Variants in PACRGL observed in about 807,000 individuals in gnomAD.
PACRGL encodes the protein parkin coregulated like.
In PACRGL, 38 loss-of-function variants were observed where a neutral mutation model predicts 34.5. That is an observed-to-expected ratio of 1.10 (90% confidence interval 0.85 to 1.44). The LOEUF (loss-of-function observed/expected upper bound fraction) is 1.44, where lower values mean the gene tolerates loss of function less well. PACRGL is among the 40% of genes most tolerant of loss of function. PACRGL has a pLI of 0.00. For missense variants in PACRGL, 305 were observed against 281.4 expected (o/e 1.08, Z -0.60); for synonymous variants, 128 against 100.1 (o/e 1.28, Z -1.66).
Position 20,713,424 on chromosome 4 carries a change from C to T in PACRGL, c.502-8C>T. ...GTCCATACATCCCCCAACTAACCAA[C>T]CTTACAGGTCCATTCGGATGATGAA... On this transcript the variant is annotated splice_region_variant and splice_polypyrimidine_tract_variant and intron_variant, in intron 6 of 8. Transcript: ENST00000503585. 1.2e-6 allele frequency: 2 copies of T among 1,610,486 alleles called. No homozygotes were observed. Among genetic ancestry groups the T allele is most frequent in the Non-Finnish European group, 1.7e-6 (2 of 1,177,158 alleles).
downstream of PACRGL, chr4:20,732,924 T>C: frequency 1.7e-6 from 1 of 588,506 alleles, no homozygotes; most frequent in Non-Finnish European, 3.0e-6. Flanking sequence ...CGACTGTTGG[T>C]TGTCCCAAAG....
At chr4:20,742,781 G>T (rs1751453215) in intron 8 of PACRGL, among the ~76,000 whole-genome samples, 1 of 152,140 alleles carries the variant, frequency 6.6e-6, no homozygotes, top group South Asian at 2.1e-4. Context: ...AATTTTCCCT[G>T]TTTGCGGATG....
intron 8 of PACRGL, among the ~76,000 whole-genome samples, chr4:20,741,391 CAAATT>C (rs1751067040): frequency 6.6e-6 from 1 of 152,192 alleles, no homozygotes; most frequent in Admixed American, 6.5e-5. Flanking sequence ...ACAATGCAAT[CAAATT>C]AAAACTCAAG....
At chr4:20,702,026 C>G (rs962286169) in intron 1 of PACRGL, 2 of 439,338 alleles carry the variant, frequency 4.6e-6, no homozygotes, top group South Asian at 3.2e-5. Context: ...AAAAGTTGTC[C>G]TGTATACTCA....
chr4:20,716,199 T>C (rs1739885424), intron 7 of PACRGL: 1 of 1,007,010 alleles, frequency 9.9e-7, no homozygotes, highest in South Asian at 1.4e-5. Context: ...TGTTACTGGC[T>C]GTTATGGTTT....
chr4:20,702,848 G>A (rs1732796031), intron 1 of PACRGL: 1 of 152,218 alleles, frequency 6.6e-6, no homozygotes, highest in Non-Finnish European at 1.5e-5. Flanking sequence ...TGGGAATGGA[G>A]GTGAAGTGTG....
chr4:20,734,397 G>C (rs888146166), downstream of PACRGL, among the ~76,000 whole-genome samples: 1 of 152,116 alleles, frequency 6.6e-6, no homozygotes, highest in African/African-American at 2.4e-5. Context: ...TATTTATTAA[G>C]ATGCCAGCAG....
In PACRGL at chr4:20,731,090, T is replaced by TTTTAG. The variant is rs1255563430; in HGVS notation, c.*3753_*3757dup. Among the ~76,000 whole-genome samples the TTTTAG allele has an allele frequency of 6.6e-6, 1 of 152,220 alleles. No homozygotes were observed. The highest frequency in any genetic ancestry group is 1.5e-5 in the Non-Finnish European group (1 of 68,048). ...TATTTGAAAAATTCTTTTTTTCTTT[T>TTTTAG]TTTAGTTTTGAGGCAGAGTCTATTT... On this transcript the variant is annotated 3_prime_UTR_variant, in exon 9 of 9. Transcript: ENST00000503585.
Position 20,729,751 on chromosome 4 carries a change from A to ATATTTTAAAATCACTGATATGT in PACRGL, c.*2411_*2432dup, listed in dbSNP as rs1560395050. The ATATTTTAAAATCACTGATATGT allele has an allele frequency of 1.9e-5, 4 of 212,604 alleles. No individual in the cohort carries two copies. The highest frequency in any genetic ancestry group is 9.1e-5 in the African/African-American group (4 of 43,900). The allele number at this position is 212,604 out of a possible 1,614,324, so 13.2% of individuals were successfully genotyped here. A position where few individuals can be genotyped will look rare whatever the true frequency, so the allele number is the denominator to read the frequency against. ...TACAAATGAGTAGCAAAAAACACTGATATTTTAAAATCACTGATATGTGAA... is the reference window on the plus strand; with the variant it reads ...TACAAATGAGTAGCAAAAAACACTGATATTTTAAAATCACTGATATGTTATTTTAAAATCACTGATATGTGAA... On this transcript the variant is annotated 3_prime_UTR_variant, in exon 9 of 9. Coordinates refer to ENST00000503585, the MANE Select transcript of PACRGL (RefSeq NM_001258345.3).
At position 20,730,047 on chromosome 4, in the gene PACRGL, C is replaced by T. The variant is rs201103982; in HGVS notation, c.*2706C>T. ...ACTTTAAGGGTGGTAGAATAGTTCA[C>T]ATTTGTCTGTTGGATTCAGGATCTA... On this transcript the variant is annotated 3_prime_UTR_variant, in exon 9 of 9. Transcript: ENST00000503585. 116 of 1,595,872 alleles carry T rather than the reference C, an allele frequency of 7.3e-5. No individual in the cohort carries two copies. Among genetic ancestry groups the T allele is most frequent in the Admixed American group, 7.1e-5 (4 of 56,246 alleles).
rs151224175 is a variant in PACRGL at position 20,729,608 on chromosome 4, ATAAATGGAATT to A, written c.*2279_*2289del. On this transcript the variant is annotated 3_prime_UTR_variant, in exon 9 of 9. Transcript: ENST00000503585. Reference sequence around the variant, plus strand: ...TTGTAATCTTGTTTCCTTAAAGTATATAAATGGAATTTAAATGGAATTACAGCATTCAAACA... The same window carrying A: ...TTGTAATCTTGTTTCCTTAAAGTATATAAATGGAATTACAGCATTCAAACA... The A allele has an allele frequency of 0.33, 49,504 of 151,490 alleles. 8,492 individuals carry two copies. Among genetic ancestry groups the A allele is most frequent in the African/African-American group, 0.43 (17,810 of 41,198 alleles). The allele number at this position is 151,490 out of a possible 1,614,324, so 9.4% of individuals were successfully genotyped here.
At chr4:20,711,537 A>G (rs778551119) in intron 5 of PACRGL, among the ~76,000 whole-genome samples, 7 of 152,320 alleles carry the variant, frequency 4.6e-5, no homozygotes, top group East Asian at 1.9e-4. Flanking sequence ...GCTTCAAGGA[A>G]AGGAAATGTT....
chr4:20,717,729 T>G (rs1740827890), intron 7 of PACRGL, among the ~76,000 whole-genome samples: 1 of 152,222 alleles, frequency 6.6e-6, no homozygotes, highest in Admixed American at 6.5e-5. Context: ...CTGTTCTGGT[T>G]ACTGTAGCCT....
At chr4:20,721,309 C>T (rs1251652640) in intron 7 of PACRGL, among the ~76,000 whole-genome samples, 1 of 152,144 alleles carries the variant, frequency 6.6e-6, no homozygotes, top group African/African-American at 2.4e-5. Flanking sequence ...TCGTCTGAAG[C>T]CTTCTTTTGT....
At chr4:20,765,558 T>C in the PACRGL span, among the ~76,000 whole-genome samples, 2 of 152,214 alleles carry the variant, frequency 1.3e-5, no homozygotes, top group Non-Finnish European at 2.9e-5. Context: ...TGCCACATAC[T>C]CTTTACTGTC....
At chr4:20,745,001 A>G (rs2149320330) in intron 8 of PACRGL, among the ~76,000 whole-genome samples, 1 of 152,208 alleles carries the variant, frequency 6.6e-6, no homozygotes, top group Middle Eastern at 3.4e-3. Context: ...CCATTTGACT[A>G]AACCTAGTCC....
At chr4:20,733,410 A>G (rs1434356981), downstream of PACRGL, among the ~76,000 whole-genome samples, 5 of 152,218 alleles carry the variant, frequency 3.3e-5, no homozygotes, top group Non-Finnish European at 5.9e-5. Flanking sequence ...AGTAAAAATA[A>G]TCTCTAATAA....
downstream of PACRGL, chr4:20,732,568 T>C: frequency 1.4e-6 from 1 of 715,942 alleles, no homozygotes. Context: ...TACTGTTTTG[T>C]TTCAGTAAAA....
chr4:20,741,172 A>C (rs1036091374), intron 8 of PACRGL, among the ~76,000 whole-genome samples: 3 of 152,184 alleles, frequency 2.0e-5, no homozygotes, highest in Admixed American at 6.5e-5. Context: ...TGAGACAGAA[A>C]GTTAACAAGG....
Sources: allele counts gnomAD v4.1 joint callset (sites outside exome capture counted in the v4.1 genomes callset), GRCh38; gene constraint gnomAD v4.1.1; transcripts MANE v1.5; gene names NCBI Gene and HGNC (gene_info 2026-07-23, HGNC 2026-07-21).